USP32: variants seen among roughly 807,000 people sequenced by gnomAD.
USP32 encodes ubiquitin carboxyl-terminal hydrolase 32.
In USP32, 59 loss-of-function variants were observed where a neutral mutation model predicts 204.8. That is an observed-to-expected ratio of 0.29 (90% CI 0.23 to 0.36). The LOEUF (loss-of-function observed/expected upper bound fraction) is 0.36. Ranked by LOEUF, USP32 falls within the 10% of genes least tolerant of loss-of-function variation. USP32 has a pLI of 1.00. For synonymous variants in USP32, 517 were observed against 678.4 expected, an observed-to-expected ratio of 0.76 and a Z score of 3.70; for missense variants, 1,160 against 1,946.4, an observed-to-expected ratio of 0.60 and a Z score of 7.60.
At chr17:60,277,193 A>G (rs941466024) in intron 5 of USP32, among the ~76,000 whole-genome samples, 2 of 152,132 alleles carry the variant, frequency 1.3e-5, no homozygotes, top group Non-Finnish European at 2.9e-5. Flanking sequence ...GCAGTATACC[A>G]TATTCCCAAC....
intron 1 of USP32, among the ~76,000 whole-genome samples, chr17:60,355,356 G>A (rs2089043427): frequency 6.6e-6 from 1 of 151,984 alleles, no homozygotes; most frequent in Non-Finnish European, 1.5e-5. Context: ...AAAATGCAAG[G>A]ACACATGACT....
intron 1 of USP32, among the ~76,000 whole-genome samples, chr17:60,373,344 C>G (rs540438024): frequency 6.6e-6 from 1 of 152,148 alleles, no homozygotes; most frequent in East Asian, 1.9e-4. Context: ...AGGACATTAC[C>G]ATGGAGTACT....
chr17:60,264,573 C>T (rs1037561142), intron 9 of USP32, among the ~76,000 whole-genome samples: 4 of 149,692 alleles, frequency 2.7e-5, no homozygotes, highest in African/African-American at 4.9e-5. Flanking sequence ...AATAGATGTA[C>T]TGGCCAGGCG....
At chr17:60,269,364 T>A in intron 7 of USP32, 86 bp downstream of exon 7, 1 of 1,015,810 alleles carries the variant, frequency 9.8e-7, no homozygotes, top group Non-Finnish European at 1.5e-6. Context: ...AATTCAAGCC[T>A]TAATCCACAG....
chr17:60,422,283 G>C (rs1448752688), exon 1 of USP32: 2 of 438,058 alleles, frequency 4.6e-6, no homozygotes, highest in East Asian at 6.5e-5. Context: ...AGTATTCTTG[G>C]GAGAAGGGGC....
In USP32 at chr17:60,347,600, G is replaced by A. The variant is rs367740272; in HGVS notation, c.59-1992C>T. Among the ~76,000 whole-genome samples, 8 of 150,970 alleles carry A rather than the reference G, an allele frequency of 5.3e-5. No individual in the cohort carries two copies. In the East Asian group the frequency reaches 8.0e-4, roughly 15 times the overall value. ...GATCTCCTAACCTCGTGATCCACCC[G>A]CCTCAGCCTCCCAAAGTGCTGGGAT... On this transcript the variant is annotated intron_variant, in intron 1 of 33. Coordinates refer to ENST00000300896, the MANE Select transcript of USP32 (RefSeq NM_032582.4).
At chr17:60,420,368 TAA>T (rs1482748538) in intron 1 of USP32, among the ~76,000 whole-genome samples, 1 of 152,094 alleles carries the variant, frequency 6.6e-6, no homozygotes, top group Non-Finnish European at 1.5e-5. Flanking sequence ...AGTAGATTTT[TAA>T]AAAAGACTCT....
intron 27 of USP32, among the ~76,000 whole-genome samples, chr17:60,195,243 C>T (rs1324861390): frequency 5.9e-5 from 9 of 152,260 alleles, no homozygotes; most frequent in African/African-American, 2.2e-4. Flanking sequence ...TCCCAGTCCT[C>T]TGTAGCATTT....
At chr17:60,358,246 C>T (rs570889139) in intron 1 of USP32, among the ~76,000 whole-genome samples, 16 of 152,202 alleles carry the variant, frequency 1.1e-4, no homozygotes, top group African/African-American at 2.2e-4. Context: ...ATTGTTTCTA[C>T]GGAAAAATAA....
At chr17:60,288,430 T>C in intron 5 of USP32, 93 bp downstream of exon 5, 1 of 1,407,198 alleles carries the variant, frequency 7.1e-7, no homozygotes, top group Non-Finnish European at 9.5e-7. Flanking sequence ...AGAATTTAAA[T>C]AAATTTCTCC....
At chr17:60,192,796 T>G in intron 28 of USP32, 48 bp downstream of exon 28, 4 of 1,594,638 alleles carry the variant, frequency 2.5e-6, no homozygotes, top group Non-Finnish European at 3.4e-6. Context: ...CTGTATAATA[T>G]CTAAAGCTGA....
At chr17:60,238,447 C>T (rs982031504) in intron 11 of USP32, among the ~76,000 whole-genome samples, 2 of 151,886 alleles carry the variant, frequency 1.3e-5, no homozygotes, top group African/African-American at 2.4e-5. Flanking sequence ...GCAGGCGAAT[C>T]GCTTGAGCCC....
chr17:60,202,314 T>C (rs1359434344), intron 26 of USP32, among the ~76,000 whole-genome samples: 1 of 152,230 alleles, frequency 6.6e-6, no homozygotes, highest in Non-Finnish European at 1.5e-5. Context: ...ATCATATCTT[T>C]GTGAAATAAA....
intron 1 of USP32, among the ~76,000 whole-genome samples, chr17:60,347,648 C>T (rs2088822492): frequency 6.6e-6 from 1 of 151,386 alleles, no homozygotes; most frequent in African/African-American, 2.4e-5. Context: ...CCACCGCGCC[C>T]GGCCTACACC....
chr17:60,422,294 G>T, exon 1 of USP32: 1 of 476,156 alleles, frequency 2.1e-6, no homozygotes, highest in South Asian at 2.1e-5. Context: ...GAGAAGGGGC[G>T]CCAGCCTCTC....
intron 7 of USP32, 39 bp from the exon 8 acceptor site, chr17:60,266,130 G>A: frequency 6.8e-7 from 1 of 1,472,306 alleles, no homozygotes; most frequent in Non-Finnish European, 9.5e-7. Flanking sequence ...AATCATTTTT[G>A]TATTCTGAGG....
chr17:60,314,080 A>G (rs2087916354), intron 2 of USP32, among the ~76,000 whole-genome samples: 1 of 151,706 alleles, frequency 6.6e-6, no homozygotes, highest in South Asian at 2.1e-4. Context: ...GAAACATGAA[A>G]CTTTAGAGTG....
In USP32 at chr17:60,336,897, T is replaced by C. The variant is rs16944280; in HGVS notation, c.186+8584A>G. Among the ~76,000 whole-genome samples the C allele has an allele frequency of 7.2e-4, 109 of 152,294 alleles. 1 individual carries two copies. The East Asian group carries it at 0.012, about 17-fold the overall frequency. ...ATCCTGCTGGTTGTTCTGTCAGCTA[T>C]GATGTCAAGATCAAGATATACCGTA... On this transcript the variant is annotated intron_variant, in intron 2 of 33. Coordinates refer to ENST00000300896, the MANE Select transcript of USP32 (RefSeq NM_032582.4).
intron 2 of USP32, among the ~76,000 whole-genome samples, chr17:60,333,851 C>G (rs1387620548): frequency 1.3e-5 from 2 of 152,304 alleles, no homozygotes; most frequent in East Asian, 3.9e-4. Context: ...AAGTGGCAGG[C>G]AACCACAGCT....
Sources: allele counts gnomAD v4.1 joint callset (sites outside exome capture counted in the v4.1 genomes callset), GRCh38; gene constraint gnomAD v4.1.1; transcripts MANE v1.5; gene names NCBI Gene and HGNC (gene_info 2026-07-23, HGNC 2026-07-21).